JAML: variants seen among roughly 807,000 people sequenced by gnomAD.
JAML encodes junction adhesion molecule like, also known as junctional adhesion molecule-like.
A neutral mutation model predicts 39.3 loss-of-function variants in JAML; 25 were observed. The observed-to-expected ratio is 0.64, with a 90% CI of 0.46 to 0.89. The LOEUF is 0.89. JAML is among the 40% of genes least tolerant of loss of function. The probability of loss-of-function intolerance (pLI) is 0.00; values close to 1 mark genes in which losing one functional copy is unlikely to be tolerated. For missense variants in JAML, 440 were observed against 486.9 expected, an observed-to-expected ratio of 0.90 and a Z score of 0.91; for synonymous variants, 162 against 179.2, an observed-to-expected ratio of 0.90 and a Z score of 0.77.
At chr11:118,206,038 A>G in intron 4 of JAML, 47 bp from the exon 5 acceptor site, 1 of 1,501,962 alleles carries the variant, frequency 6.7e-7, no homozygotes, top group Non-Finnish European at 9.3e-7. Flanking sequence ...TATAATCTAT[A>G]GAAGTCAAAG....
At chr11:118,200,738 A>T in intron 6 of JAML, 126 bp from the exon 7 acceptor site, 1 of 1,018,314 alleles carries the variant, frequency 9.8e-7, no homozygotes, top group Non-Finnish European at 1.5e-6. Context: ...ACTCCACCCC[A>T]TATCTGGACA....
intron 9 of JAML, among the ~76,000 whole-genome samples, chr11:118,196,502 T>G (rs1200581353): frequency 6.6e-6 from 1 of 152,222 alleles, no homozygotes; most frequent in African/African-American, 2.4e-5. Context: ...ACTCTTCACT[T>G]CTTTTCACCA....
intron 4 of JAML, among the ~76,000 whole-genome samples, chr11:118,206,464 T>G (rs915323834): frequency 7.2e-5 from 11 of 152,216 alleles, no homozygotes; most frequent in African/African-American, 2.7e-4. Context: ...AAACAGGAAG[T>G]GGAAAGTTAT....
intron 6 of JAML, 82 bp downstream of exon 6, chr11:118,203,346 A>G: frequency 1.5e-6 from 2 of 1,297,864 alleles, no homozygotes; most frequent in Non-Finnish European, 2.2e-6. Context: ...GCATCCTAGG[A>G]ACCTCTCCGG....
At chr11:118,216,138 A>C (rs1275154690) in intron 1 of JAML, among the ~76,000 whole-genome samples, 1 of 152,102 alleles carries the variant, frequency 6.6e-6, no homozygotes, top group Non-Finnish European at 1.5e-5. Context: ...TTGGGAGACC[A>C]AGGCGGGCGG....
intron 6 of JAML, chr11:118,202,867 T>G: frequency 2.3e-6 from 1 of 439,184 alleles, no homozygotes; most frequent in East Asian, 7.0e-5. Flanking sequence ...CTTATCAACC[T>G]CTCTCTGTCA....
At chr11:118,224,653 TGA>T (rs1949242985) in intron 1 of JAML, among the ~76,000 whole-genome samples, 1 of 152,064 alleles carries the variant, frequency 6.6e-6, no homozygotes, top group African/African-American at 2.4e-5. Context: ...AACCCACGGG[TGA>T]CTTAAAAGCT....
At position 118,203,562 on chromosome 11, in the gene JAML, A is replaced by G; in HGVS notation, c.638T>C (p.Phe213Ser). 1 of 1,614,180 alleles carries G rather than the reference A, an allele frequency of 6.2e-7. No individual in the cohort carries two copies. The highest frequency in any genetic ancestry group is 2.2e-5 in the East Asian group (1 of 44,886). Residue 213 changes from phenylalanine to serine, a missense_variant, in exon 6 of 10, where the codon TTC becomes TCC. Phe to Ser is a radical substitution (Grantham distance 155). Transcript: ENST00000356289. The stretch of plus-strand genomic sequence containing the variant: ...AAGCATGATGGAACCGTCATTGCGG[A>G]AAATGTCCCCCACCAGGTTCACACG... Reference protein sequence around the residue: ...QNRVNLVGDIFRNDGSIMLQG... With the variant: ...QNRVNLVGDISRNDGSIMLQG...
intron 7 of JAML, among the ~76,000 whole-genome samples, chr11:118,198,359 G>T (rs1374083055): frequency 6.6e-6 from 1 of 152,214 alleles, no homozygotes; most frequent in Non-Finnish European, 1.5e-5. Flanking sequence ...CTTTCAGTCC[G>T]TATGGGAGAG....
At chr11:118,212,805 G>A in intron 2 of JAML, 2 of 1,611,354 alleles carry the variant, frequency 1.2e-6, no homozygotes, top group Non-Finnish European at 8.5e-7. Context: ...CTCCTATCCA[G>A]CCCCTTACAC....
chr11:118,206,106 C>T (rs1320725285), intron 4 of JAML, 115 bp from the exon 5 acceptor site: 3 of 817,812 alleles, frequency 3.7e-6, no homozygotes, highest in Admixed American at 3.8e-5. Flanking sequence ...ATCGCTGTCA[C>T]CACCAAACAC....
chr11:118,223,635 T>C (rs1307885223), intron 1 of JAML, among the ~76,000 whole-genome samples: 1 of 152,194 alleles, frequency 6.6e-6, no homozygotes, highest in African/African-American at 2.4e-5. Flanking sequence ...CTCTCCCCTC[T>C]ATCAGCAAGT....
chr11:118,212,548 G>A lies in JAML; in HGVS notation c.57C>T (p.Gly19=). The stretch of plus-strand genomic sequence containing the variant: ...GCGGGGAAACATTCAAGTCATTCAG[G>A]CCCAAGGAATAATCTATAGAAGTCA... ...LLPVLLDYSL[G]LNDLNVSPPE... The change falls in exon 3 of 10, where the codon GGC becomes GGT. Residue 19 remains glycine (G), a synonymous_variant. Transcript: ENST00000356289. The A allele has an allele frequency of 2.5e-6, 4 of 1,613,946 alleles. No individual in the cohort carries two copies. In the South Asian group the frequency reaches 3.3e-5, roughly 13 times the overall value.
At chr11:118,213,317 A>G (rs1254457293) in intron 2 of JAML, 1 of 1,038,780 alleles carries the variant, frequency 9.6e-7, no homozygotes, top group Non-Finnish European at 1.2e-6. Context: ...AGAAAGATAC[A>G]TTTAGATGCT....
In JAML at chr11:118,196,722, G is replaced by C. The variant is rs139585653; in HGVS notation, c.1092+13C>G. The C allele has an allele frequency of 1.5e-4, 238 of 1,603,834 alleles. 1 individual carries two copies. The African/African-American group carries it at 2.6e-3, about 18-fold the overall frequency. On this transcript the variant is annotated intron_variant, in intron 9 of 9. Transcript: ENST00000356289. ...CTGACACCTGGCTCAGCTGAGGCCA[G>C]AATCATTCTCACCATGGTCATGTAG...
intron 1 of JAML, among the ~76,000 whole-genome samples, chr11:118,221,423 G>A (rs953421325): frequency 6.6e-5 from 10 of 152,170 alleles, no homozygotes; most frequent in African/African-American, 2.2e-4. Context: ...GTGATGATTT[G>A]GGGATGAAAC....
Position 118,222,932 on chromosome 11 carries a change from T to C in JAML, c.-21+2009A>G, listed in dbSNP as rs1591484141. Reference sequence around the variant, plus strand: ...CAACATGGCAAAACCCCGTCTCTACTAAAAATACAAAAATTAATCAGGTGT... The same window carrying C: ...CAACATGGCAAAACCCCGTCTCTACCAAAAATACAAAAATTAATCAGGTGT... On this transcript the variant is annotated intron_variant, in intron 1 of 9. Transcript: ENST00000356289. This position sits in a 1 kb window ranked among gnomAD's most constrained non-coding sequence, Gnocchi z 4.2. Among the ~76,000 whole-genome samples, 1 of 151,826 alleles carries C rather than the reference T, an allele frequency of 6.6e-6. No homozygotes were observed. Among genetic ancestry groups the C allele is most frequent in the African/African-American group, 2.4e-5 (1 of 41,324 alleles).
chr11:118,196,467 G>A (rs1190455961), intron 9 of JAML, among the ~76,000 whole-genome samples: 2 of 152,076 alleles, frequency 1.3e-5, no homozygotes, highest in Admixed American at 6.6e-5. Context: ...GGCAAAAGAC[G>A]TCCTCCCTGC....
intron 7 of JAML, among the ~76,000 whole-genome samples, chr11:118,199,884 G>C (rs1948741424): frequency 6.6e-6 from 1 of 151,952 alleles, no homozygotes; most frequent in East Asian, 1.9e-4. Context: ...TTTTAGTAAA[G>C]ACAGCTTTTC....
Sources: allele counts gnomAD v4.1 joint callset (sites outside exome capture counted in the v4.1 genomes callset), GRCh38; gene constraint gnomAD v4.1.1; non-coding constraint Gnocchi (gnomAD v3.1); transcripts MANE v1.5; gene names NCBI Gene and HGNC (gene_info 2026-07-23, HGNC 2026-07-21).